UBE2L3: variants seen among roughly 807,000 people sequenced by gnomAD.
UBE2L3 encodes ubiquitin conjugating enzyme E2 L3.
In UBE2L3, 1 loss-of-function variant was observed where a neutral mutation model predicts 17.8. The ratio of observed to expected loss-of-function variants is 0.06; its 90% CI spans 0.02 to 0.27. The LOEUF (loss-of-function observed/expected upper bound fraction) is 0.27, where lower values mean the gene tolerates loss of function less well. UBE2L3 is among the 10% of genes least tolerant of loss of function. UBE2L3 has a pLI of 1.00. For synonymous variants in UBE2L3, 44 were observed against 68.5 expected (o/e 0.64, Z 1.76); for missense variants, 40 against 192.6 (o/e 0.21, Z 4.69).
At chr22:21,561,011 A>C (rs1054733569) in intron 1 of UBE2L3, among the ~76,000 whole-genome samples, 2 of 152,274 alleles carry the variant, frequency 1.3e-5, no homozygotes, top group African/African-American at 4.8e-5. Flanking sequence ...GAAGGAAAAG[A>C]GAGAAGAAGG....
chr22:21,581,979 G>T (rs1434492147), intron 1 of UBE2L3, among the ~76,000 whole-genome samples: 6 of 150,910 alleles, frequency 4.0e-5, no homozygotes, highest in Admixed American at 2.7e-4. Context: ...AATTAGCCAG[G>T]CATGGTGGCA....
At chr22:21,586,971 T>A (rs1927978286) in intron 1 of UBE2L3, among the ~76,000 whole-genome samples, 1 of 150,474 alleles carries the variant, frequency 6.6e-6, no homozygotes. Context: ...CGGCAACCTC[T>A]GTCTCACTTG....
chr22:21,609,569 G>T (rs1466536689), intron 2 of UBE2L3, among the ~76,000 whole-genome samples: 1 of 152,048 alleles, frequency 6.6e-6, no homozygotes, highest in Admixed American at 6.6e-5. Flanking sequence ...TTAGCTGGGG[G>T]TGGTGGTGCC....
At chr22:21,557,667 T>C (rs1168427237) in intron 1 of UBE2L3, among the ~76,000 whole-genome samples, 1 of 152,196 alleles carries the variant, frequency 6.6e-6, no homozygotes, top group South Asian at 2.1e-4. Context: ...GGAATACAGG[T>C]GCCCGCCACC....
chr22:21,593,105 A>AG (rs1459020235), intron 2 of UBE2L3, 149 bp downstream of exon 2: 1 of 670,816 alleles, frequency 1.5e-6, no homozygotes, highest in Non-Finnish European at 2.6e-6. Flanking sequence ...GTGATAAGGT[A>AG]GGGAGTGTAG....
rs533705120 is a variant in UBE2L3 at position 21,618,480 on chromosome 22, G to T, written c.311-3035G>T. 3.3e-5 allele frequency among the ~76,000 whole-genome samples: 5 copies of T among 152,088 alleles called. No homozygotes were observed. In the East Asian group the frequency reaches 9.7e-4, roughly 30 times the overall value. On this transcript the variant is annotated intron_variant, in intron 3 of 3. Coordinates refer to ENST00000342192, the MANE Select transcript of UBE2L3 (RefSeq NM_003347.4). ...CCCGGGAGGCTGAGGCAGGAGAATGGCATGAGCCTGGGAGGCGGAGCTTGC... is the reference window on the plus strand; with the variant it reads ...CCCGGGAGGCTGAGGCAGGAGAATGTCATGAGCCTGGGAGGCGGAGCTTGC...
In UBE2L3 at chr22:21,598,462, C is replaced by T. The variant is rs5998640; in HGVS notation, c.123+5506C>T. 6.1e-3 allele frequency among the ~76,000 whole-genome samples: 908 copies of T among 149,998 alleles called. 6 individuals are homozygous for T. The highest frequency in any genetic ancestry group is 0.021 in the African/African-American group (850 of 41,066). On this transcript the variant is annotated intron_variant, in intron 2 of 3. Coordinates refer to ENST00000342192, the MANE Select transcript of UBE2L3 (RefSeq NM_003347.4). Reference sequence around the variant, plus strand: ...TTGACCCATTGCTTGTTAGAGAGTACGTTTAATTTCCCCATAATTGTGAGT... The same window carrying T: ...TTGACCCATTGCTTGTTAGAGAGTATGTTTAATTTCCCCATAATTGTGAGT...
At chr22:21,600,077 C>T (rs1323812732) in intron 2 of UBE2L3, among the ~76,000 whole-genome samples, 5 of 151,522 alleles carry the variant, frequency 3.3e-5, no homozygotes, top group South Asian at 2.1e-4. Flanking sequence ...TTTGGGAGGC[C>T]GAGGCAAGTG....
At chr22:21,565,445 A>G (rs551500745), upstream of UBE2L3, among the ~76,000 whole-genome samples, 20 of 150,938 alleles carry the variant, frequency 1.3e-4, no homozygotes, top group Non-Finnish European at 2.8e-4. Context: ...GGAGAAACCC[A>G]CTGTTCTTAG....
intron 2 of UBE2L3, among the ~76,000 whole-genome samples, chr22:21,603,529 TAA>T (rs780658850): frequency 1.3e-3 from 107 of 79,968 alleles, no homozygotes; most frequent in African/African-American, 4.8e-3. Flanking sequence ...GACTCTGTCT[TAA>T]AAAAAAAAAA....
intron 1 of UBE2L3, among the ~76,000 whole-genome samples, chr22:21,575,412 T>TAAAA (rs547379857): frequency 5.3e-4 from 54 of 101,742 alleles, no homozygotes; most frequent in African/African-American, 1.8e-3. Context: ...CCATCTCTAC[T>TAAAA]AAAAAAAAAA....
chr22:21,582,816 G>A (rs1429003609), intron 1 of UBE2L3, among the ~76,000 whole-genome samples: 1 of 152,168 alleles, frequency 6.6e-6, no homozygotes, highest in Non-Finnish European at 1.5e-5. Context: ...GAGCCACCGT[G>A]CCCGGCCCTC....
At chr22:21,575,395 C>T (rs1429686741) in intron 1 of UBE2L3, among the ~76,000 whole-genome samples, 4 of 134,436 alleles carry the variant, frequency 3.0e-5, no homozygotes, top group South Asian at 2.4e-4. Flanking sequence ...GGAAACATGA[C>T]GAAACCCCAT....
intron 1 of UBE2L3, among the ~76,000 whole-genome samples, chr22:21,587,931 C>T (rs1012118994): frequency 6.6e-6 from 1 of 152,180 alleles, no homozygotes; most frequent in Admixed American, 6.5e-5. Context: ...TCTACTTGGG[C>T]TCCGAAGTGG....
chr22:21,561,490 G>A (rs1334720257), intron 1 of UBE2L3, among the ~76,000 whole-genome samples: 1 of 152,396 alleles, frequency 6.6e-6, no homozygotes, highest in Non-Finnish European at 1.5e-5. Context: ...TCTGAAGTGG[G>A]AGGATAACTT....
intron 1 of UBE2L3, among the ~76,000 whole-genome samples, chr22:21,588,852 C>T (rs939233676): frequency 2.6e-5 from 4 of 151,736 alleles, no homozygotes; most frequent in Non-Finnish European, 4.4e-5. Flanking sequence ...TTAGTAGAGA[C>T]GGGGTTTCAC....
chr22:21,618,627 C>G lies in UBE2L3; in HGVS notation c.311-2888C>G, dbSNP rs541832788. Among the ~76,000 whole-genome samples, 31 of 150,866 alleles carry G rather than the reference C, an allele frequency of 2.1e-4. No homozygotes were observed. In the South Asian group the frequency reaches 6.6e-3, roughly 32 times the overall value. ...TTTTTGCGATAGGGTCTTGCTGTGTCACTCAGGCTGAGTATAGTGGCACAA... is the reference window on the plus strand; with the variant it reads ...TTTTTGCGATAGGGTCTTGCTGTGTGACTCAGGCTGAGTATAGTGGCACAA... On this transcript the variant is annotated intron_variant, in intron 3 of 3. Coordinates refer to ENST00000342192, the MANE Select transcript of UBE2L3 (RefSeq NM_003347.4).
chr22:21,568,657 G>A (rs899221890), intron 1 of UBE2L3, among the ~76,000 whole-genome samples: 1 of 152,138 alleles, frequency 6.6e-6, no homozygotes, highest in Non-Finnish European at 1.5e-5. Flanking sequence ...CAGTGGATTT[G>A]CCAAGGTCCT....
intron 3 of UBE2L3, among the ~76,000 whole-genome samples, chr22:21,618,184 TAAAAA>T (rs575478971): frequency 1.4e-5 from 2 of 145,334 alleles, no homozygotes; most frequent in African/African-American, 2.6e-5. Flanking sequence ...CCATCTCAAT[TAAAAA>T]AAAAATTCAG....
Sources: gnomAD v4.1 joint callset for allele counts (sites outside exome capture counted in the v4.1 genomes callset) on GRCh38, gnomAD v4.1.1 for gene constraint, MANE v1.5 for transcripts, NCBI Gene and HGNC (gene_info 2026-07-23, HGNC 2026-07-21) for gene names.